SRRT: variants seen among roughly 807,000 people sequenced by gnomAD.
The protein encoded by SRRT is serrate RNA effector molecule homolog.
A neutral mutation model predicts 103.2 loss-of-function variants in SRRT; 32 were observed. The ratio of observed to expected loss-of-function variants is 0.31; its 90% CI spans 0.23 to 0.42. The LOEUF (loss-of-function observed/expected upper bound fraction) is 0.42. Ranked by LOEUF, SRRT falls within the 10% of genes least tolerant of loss-of-function variation. SRRT has a pLI of 1.00. For missense variants in SRRT, 986 were observed against 1,207.5 expected (o/e 0.82, Z 2.72); for synonymous variants, 525 against 449.0 (o/e 1.17, Z -2.14).
chr7:100,882,444 C>G lies in SRRT; in HGVS notation c.587+203C>G. On this transcript the variant is annotated intron_variant, in intron 5 of 19. Transcript: ENST00000611405. This position sits in a 1 kb window ranked among gnomAD's most constrained non-coding sequence, Gnocchi z 4.2. ...GCCCCCGCCCCGCCCTGTCTCCTGT[C>G]CTGCTGTCCTCAGAGAGTGGGACAC... The G allele has an allele frequency of 1.8e-6, 1 of 557,926 alleles. No individual in the cohort carries two copies. The highest frequency in any genetic ancestry group is 3.1e-6 in the Non-Finnish European group (1 of 319,814). 34.6% of individuals were successfully genotyped at this position (557,926 alleles called of 1,614,324 possible).
At chr7:100,875,420 G>A in intron 1 of SRRT, 92 bp downstream of exon 1, 2 of 1,447,958 alleles carry the variant, frequency 1.4e-6, no homozygotes, top group African/African-American at 1.4e-5. Context: ...GGGGCGAGTG[G>A]AGGTGTTGGA....
rs745498797 is a variant in SRRT at position 100,885,955 on chromosome 7, G to T, written c.1458+14G>T. 5 of 1,613,136 alleles carry T rather than the reference G, an allele frequency of 3.1e-6. No homozygotes were observed. The highest frequency in any genetic ancestry group is 4.2e-6 in the Non-Finnish European group (5 of 1,179,592). ...CAGAACATCCGTGTGAGTGCTGGGGGTGGGACTGTGGGGAAGAGGAAGGGA... is the reference window on the plus strand; with the variant it reads ...CAGAACATCCGTGTGAGTGCTGGGGTTGGGACTGTGGGGAAGAGGAAGGGA... On this transcript the variant is annotated intron_variant, in intron 12 of 19. Coordinates refer to ENST00000611405, the MANE Select transcript of SRRT (RefSeq NM_015908.6). This position sits in a 1 kb window ranked among gnomAD's most constrained non-coding sequence, Gnocchi z 4.8.
intron 2 of SRRT, 172 bp downstream of exon 2, chr7:100,875,884 C>T (rs1287229391): frequency 1.0e-5 from 8 of 762,366 alleles, no homozygotes; most frequent in African/African-American, 8.8e-5. Context: ...CTAGCTGTGG[C>T]TTGGTTTTTG....
chr7:100,886,547 C>A, intron 13 of SRRT, 112 bp downstream of exon 13: 1 of 1,180,740 alleles, frequency 8.5e-7, no homozygotes, highest in Admixed American at 2.3e-5. Flanking sequence ...CTCGCCTGCT[C>A]ACTCATTTGC....
rs776539035 is a variant in SRRT at position 100,884,846 on chromosome 7, G to A, written c.1041+8G>A. The A allele has an allele frequency of 1.9e-5, 30 of 1,613,854 alleles. No individual in the cohort carries two copies. Among genetic ancestry groups the A allele is most frequent in the Non-Finnish European group, 2.3e-5 (27 of 1,179,896 alleles). On this transcript the variant is annotated splice_region_variant and intron_variant, in intron 8 of 19. Coordinates refer to ENST00000611405, the MANE Select transcript of SRRT (RefSeq NM_015908.6). ...GAGAAGGAAGCCAAAAAGGTGAGGTGTCTGTGGCCTGGGGTCAGAGTGTTG... is the reference window on the plus strand; with the variant it reads ...GAGAAGGAAGCCAAAAAGGTGAGGTATCTGTGGCCTGGGGTCAGAGTGTTG...
rs1388335345 is a variant in SRRT, at chr7:100,882,280, GT to G, written c.587+40del. 1 of 1,600,644 alleles carries G rather than the reference GT, an allele frequency of 6.2e-7. No individual in the cohort carries two copies. Among genetic ancestry groups the G allele is most frequent in the Non-Finnish European group, 8.5e-7 (1 of 1,171,672 alleles). On this transcript the variant is annotated intron_variant, in intron 5 of 19. Coordinates refer to ENST00000611405, the MANE Select transcript of SRRT (RefSeq NM_015908.6). The surrounding 1 kb of genome is among the most constrained non-coding windows in gnomAD (Gnocchi z 4.2). ...CTTCCCTGGACCTCTGCCCTGGCAT[GT>G]CCCCCTGGCCCCGCTGGTGGAGCCA...
rs1423772608 is a variant in SRRT, at chr7:100,875,718, C to G, written c.122+6C>G. The G allele has an allele frequency of 1.9e-6, 3 of 1,613,476 alleles. No homozygotes were observed. Among genetic ancestry groups the G allele is most frequent in the African/African-American group, 2.7e-5 (2 of 74,904 alleles). On this transcript the variant is annotated splice_donor_region_variant and intron_variant, in intron 2 of 19. Transcript: ENST00000611405. ...GGGGACGATTGGAATGACAGGTGAG[C>G]CGTTTTTAACTTCATCTTGTCCCCG...
Position 100,882,345 on chromosome 7 carries a change from T to G in SRRT, c.587+104T>G, listed in dbSNP as rs111950536. On this transcript the variant is annotated intron_variant, in intron 5 of 19. Transcript: ENST00000611405. The surrounding 1 kb of genome is among the most constrained non-coding windows in gnomAD (Gnocchi z 4.2). The stretch of plus-strand genomic sequence containing the variant: ...TTCCCAGTTTTCCCTGTCCAGAACT[T>G]TCTGGGGGCGGGGGTCGGGAAGTAT... The G allele has an allele frequency of 3.0e-6, 4 of 1,342,682 alleles. No homozygotes were observed. The South Asian group carries it at 5.7e-5, about 19-fold the overall frequency. 83.2% of individuals were successfully genotyped at this position (1,342,682 alleles called of 1,614,324 possible). A position where few individuals can be genotyped will look rare whatever the true frequency, so the allele number is the denominator to read the frequency against.
intron 2 of SRRT, among the ~76,000 whole-genome samples, chr7:100,876,475 G>A (rs986145427): frequency 1.2e-4 from 18 of 152,270 alleles, no homozygotes; most frequent in Admixed American, 5.2e-4. Flanking sequence ...TAGAGACAGC[G>A]TCTTGCTCTG....
rs1188081449 is a variant in SRRT at position 100,884,130 on chromosome 7, C to T, written c.648C>T (p.Ala216=). ...AGCGTCGGCAGGAGGCCCGGGGGGC[C>T]CTGCAAAACCGACTGAGGGTCTTCC... ...VGKRRQEARG[A]LQNRLRVFLS... The change falls in exon 6 of 20, where the codon GCC becomes GCT. Residue 216 remains alanine (A), a synonymous_variant. Coordinates refer to ENST00000611405, the MANE Select transcript of SRRT (RefSeq NM_015908.6). 4 of 1,612,588 alleles carry T rather than the reference C, an allele frequency of 2.5e-6. No homozygotes were observed. In the African/African-American group the frequency reaches 4.0e-5, roughly 16 times the overall value.
rs140745082 is a variant in SRRT at position 100,884,509 on chromosome 7, G to A, written c.899G>A (p.Arg300His). ...GGAGCAGGCCTAGGGGACGGGGAGCGCAAAACCAACGACAAGGATGAGAAG... is the reference window on the plus strand; with the variant it reads ...GGAGCAGGCCTAGGGGACGGGGAGCACAAAACCAACGACAAGGATGAGAAG... ...RAGAGLGDGE[R>H]KTNDKDEKKE... Residue 300 changes from arginine to histidine, a missense_variant, in exon 7 of 20, where the codon CGC becomes CAC. Physicochemically the swap from Arg to His is conservative, Grantham distance 29. This residue lies in a region of SRRT where 166 missense variants were observed against 148.6 expected (regional missense o/e 1.12). Transcript: ENST00000611405. The A allele has an allele frequency of 2.5e-4, 393 of 1,591,432 alleles. 2 individuals are homozygous for A. The highest frequency in any genetic ancestry group is 1.9e-3 in the South Asian group (169 of 90,688).
chr7:100,880,036 G>A (rs921866737), intron 2 of SRRT, among the ~76,000 whole-genome samples: 3 of 152,232 alleles, frequency 2.0e-5, no homozygotes, highest in Non-Finnish European at 4.4e-5. Context: ...AGACAGAAGC[G>A]AGAGACCAGA....
In SRRT at chr7:100,875,891, T is replaced by G. The variant is rs1275892108; in HGVS notation, c.122+179T>G. ...CCAAATAACTAGCTGTGGCTTGGTT[T>G]TTGAAATTCTCTGCAGATCAGAGCT... is the stretch of plus-strand genomic sequence containing the variant. On this transcript the variant is annotated intron_variant, in intron 2 of 19. Transcript: ENST00000611405. 3 of 683,946 alleles carry G rather than the reference T, an allele frequency of 4.4e-6. No homozygotes were observed. In the African/African-American group the frequency reaches 5.4e-5, roughly 12 times the overall value. 42.4% of individuals were successfully genotyped at this position (683,946 alleles called of 1,614,324 possible). A position where few individuals can be genotyped will look rare whatever the true frequency, so the allele number is the denominator to read the frequency against.
At chr7:100,884,859 G>A (rs1789933193) in intron 8 of SRRT, 21 bp downstream of exon 8, 3 of 1,613,768 alleles carry the variant, frequency 1.9e-6, no homozygotes, top group Non-Finnish European at 2.5e-6. Context: ...TGTGGCCTGG[G>A]GTCAGAGTGT....
At position 100,885,494 on chromosome 7, in the gene SRRT, G is replaced by C; in HGVS notation, c.1317+124G>C. The C allele has an allele frequency of 8.3e-7, 1 of 1,199,586 alleles. No homozygotes were observed. The highest frequency in any genetic ancestry group is 1.2e-6 in the Non-Finnish European group (1 of 860,250). 74.3% of individuals were successfully genotyped at this position (1,199,586 alleles called of 1,614,324 possible). On this transcript the variant is annotated intron_variant, in intron 10 of 19. Coordinates refer to ENST00000611405, the MANE Select transcript of SRRT (RefSeq NM_015908.6). The surrounding 1 kb of genome is among the most constrained non-coding windows in gnomAD (Gnocchi z 4.8). ...CCTGCTAGGGAGGCCCCTTCCCCAG[G>C]TTCCATGGCCTCCGAGGACTAGTCC...
chr7:100,886,762 C>G, intron 13 of SRRT, 33 bp from the exon 14 acceptor site: 1 of 1,612,338 alleles, frequency 6.2e-7, no homozygotes. Context: ...TGAAGGTCTT[C>G]TCTGCCTTAC....
Position 100,886,256 on chromosome 7 carries a change from T to C in SRRT, c.1468T>C (p.Cys490Arg), listed in dbSNP as rs1320471757. 1.6e-5 allele frequency: 25 copies of C among 1,610,320 alleles called. No individual in the cohort carries two copies. Among genetic ancestry groups the C allele is most frequent in the Non-Finnish European group, 2.0e-5 (24 of 1,179,076 alleles). The change falls in exon 13 of 20, where the codon TGT (cysteine) becomes CGT (arginine). Residue 490 changes from cysteine (C) to arginine (R), a missense_variant. Around this residue, in one of 6 missense-constraint regions of SRRT, gnomAD observed 349 missense variants for 446.9 expected, o/e 0.78. Transcript: ENST00000611405. ...WNLQNIRLRE[C>R]ELSPGVNRDL... ...GATGTCTGCCCTCCAGCTCCGGGAGTGTGAGCTGAGCCCTGGTGTGAACAG... is the reference window on the plus strand; with the variant it reads ...GATGTCTGCCCTCCAGCTCCGGGAGCGTGAGCTGAGCCCTGGTGTGAACAG...
rs869150232 is a variant in SRRT, at chr7:100,877,419, CAAAAAAA to C, written c.122+1723_122+1729del. ...CTGGCGACAGAGCAAGACTCTGTCT[CAAAAAAA>C]AAAAAAAAAAAAAAAGCCACTTCCA... is the stretch of plus-strand genomic sequence containing the variant. On this transcript the variant is annotated intron_variant, in intron 2 of 19. Transcript: ENST00000611405. Among the ~76,000 whole-genome samples the C allele has an allele frequency of 2.8e-4, 19 of 69,090 alleles. No individual in the cohort carries two copies. In the East Asian group the frequency reaches 7.9e-3, roughly 29 times the overall value. The allele number at this position is 69,090 out of a possible 152,430, so 45.3% of individuals were successfully genotyped here.
Position 100,887,932 on chromosome 7 carries a change from G to A in SRRT, c.2326+73G>A, listed in dbSNP as rs758876976. ...CCAGGGACTCCTGTTTCTCTTTAACGTGTCACCCCGAGAAGTTTCTGCCCC... is the reference window on the plus strand; with the variant it reads ...CCAGGGACTCCTGTTTCTCTTTAACATGTCACCCCGAGAAGTTTCTGCCCC... On this transcript the variant is annotated intron_variant, in intron 17 of 19. Transcript: ENST00000611405. The surrounding 1 kb of genome is among the most constrained non-coding windows in gnomAD (Gnocchi z 4.1). 58 of 1,547,070 alleles carry A rather than the reference G, an allele frequency of 3.7e-5. No individual in the cohort carries two copies. Among genetic ancestry groups the A allele is most frequent in the Non-Finnish European group, 5.0e-5 (57 of 1,144,878 alleles).
Sources: allele counts gnomAD v4.1 joint callset (sites outside exome capture counted in the v4.1 genomes callset), GRCh38; gene constraint gnomAD v4.1.1; regional missense constraint gnomAD v4.1.1; non-coding constraint Gnocchi (gnomAD v3.1); transcripts MANE v1.5; gene names NCBI Gene and HGNC (gene_info 2026-07-23, HGNC 2026-07-21).